The following MYO5A variants were observed in gnomAD, a reference collection of about 807,000 sequenced individuals.
MYO5A encodes the protein myosin VA.
Under a neutral mutation model 249.7 loss-of-function variants are expected in MYO5A, and 98 were observed. The ratio of observed to expected loss-of-function variants is 0.39; its 90% CI spans 0.33 to 0.46. The LOEUF (loss-of-function observed/expected upper bound fraction) is 0.46, where lower values mean the gene tolerates loss of function less well. Ranked by LOEUF, MYO5A falls within the 20% of genes least tolerant of loss-of-function variation. The pLI is 0.98. For synonymous variants in MYO5A, 778 were observed against 810.6 expected, an observed-to-expected ratio of 0.96 and a Z score of 0.68; for missense variants, 1,696 against 2,308.8, an observed-to-expected ratio of 0.73 and a Z score of 5.44.
chr15:52,506,077 C>T (rs897956529), intron 1 of MYO5A, among the ~76,000 whole-genome samples: 3 of 151,942 alleles, frequency 2.0e-5, no homozygotes, highest in East Asian at 3.9e-4. Context: ...TTAGGCCGGG[C>T]GCTGTGGCTC....
At chr15:52,396,848 T>C (rs986744602) in intron 10 of MYO5A, among the ~76,000 whole-genome samples, 1 of 151,956 alleles carries the variant, frequency 6.6e-6, no homozygotes, top group African/African-American at 2.4e-5. Flanking sequence ...GGCACAAATA[T>C]GAAGGAAGGA....
chr15:52,476,649 T>C (rs1402370232), intron 1 of MYO5A, among the ~76,000 whole-genome samples: 1 of 152,240 alleles, frequency 6.6e-6, no homozygotes, highest in Admixed American at 6.5e-5. Context: ...CCTTCACTTA[T>C]GAAGCTTAGT....
In MYO5A at chr15:52,313,450, A is replaced by G; in HGVS notation, c.*246T>C. Reference sequence around the variant, plus strand: ...TCCCTTCCTTCCATCATTCTCCTGTATGTAAACTCACGGTACCTAGTTGGT... The same window carrying G: ...TCCCTTCCTTCCATCATTCTCCTGTGTGTAAACTCACGGTACCTAGTTGGT... On this transcript the variant is annotated 3_prime_UTR_variant, in exon 42 of 42. Coordinates refer to ENST00000399233, the MANE Select transcript of MYO5A (RefSeq NM_001382347.1). 2.0e-6 allele frequency: 1 copy of G among 498,560 alleles called. No homozygotes were observed. The highest frequency in any genetic ancestry group is 2.1e-5 in the South Asian group (1 of 47,642). 30.9% of individuals were successfully genotyped at this position (498,560 alleles called of 1,614,324 possible). A position where few individuals can be genotyped will look rare whatever the true frequency, so the allele number is the denominator to read the frequency against.
At chr15:52,410,729 C>T (rs987448777) in intron 5 of MYO5A, among the ~76,000 whole-genome samples, 1 of 152,022 alleles carries the variant, frequency 6.6e-6, no homozygotes, top group African/African-American at 2.4e-5. Flanking sequence ...AGGCACATGC[C>T]ACCACGCCCA....
chr15:52,501,910 CT>C (rs1188267442), intron 1 of MYO5A, among the ~76,000 whole-genome samples: 5 of 146,606 alleles, frequency 3.4e-5, no homozygotes, highest in Non-Finnish European at 7.5e-5. Flanking sequence ...CACACACACA[CT>C]GTATTTTACT....
intron 1 of MYO5A, among the ~76,000 whole-genome samples, chr15:52,490,304 T>C (rs1465701392): frequency 1.3e-5 from 2 of 152,240 alleles, no homozygotes; most frequent in African/African-American, 4.8e-5. Context: ...CACAGCAGCA[T>C]TCTTCACAAT....
intron 1 of MYO5A, among the ~76,000 whole-genome samples, chr15:52,520,290 C>T (rs971037242): frequency 3.3e-5 from 5 of 152,180 alleles, no homozygotes; most frequent in Non-Finnish European, 7.3e-5. Context: ...AATCACAGTG[C>T]CCTGTCCTCC....
rs7181583 is a variant in MYO5A at position 52,415,376 on chromosome 15, A to T, written c.612+769T>A. Reference sequence around the variant, plus strand: ...TTCCAAAAATCTTATTAATAGACAGATAATTATCTACAAATCCTAAAACAC... The same window carrying T: ...TTCCAAAAATCTTATTAATAGACAGTTAATTATCTACAAATCCTAAAACAC... On this transcript the variant is annotated intron_variant, in intron 5 of 41. Transcript: ENST00000399233. 4.5e-3 allele frequency among the ~76,000 whole-genome samples: 683 copies of T among 152,338 alleles called. 7 individuals carry two copies. The highest frequency in any genetic ancestry group is 0.016 in the African/African-American group (660 of 41,570).
At chr15:52,412,560 T>A (rs1187904147) in intron 5 of MYO5A, among the ~76,000 whole-genome samples, 1 of 152,188 alleles carries the variant, frequency 6.6e-6, no homozygotes, top group African/African-American at 2.4e-5. Flanking sequence ...GGGTTCTTTT[T>A]AAAAAATAAA....
In MYO5A at chr15:52,510,693, G is replaced by A. The variant is rs955985404; in HGVS notation, c.27+18087C>T. On this transcript the variant is annotated intron_variant, in intron 1 of 41. Coordinates refer to ENST00000399233, the MANE Select transcript of MYO5A (RefSeq NM_001382347.1). ...ATCTAACTAATGCCTGATTATCTAA[G>A]GTGAAACAGTTTCACCCCAAAACCA... is the stretch of plus-strand genomic sequence containing the variant. Among the ~76,000 whole-genome samples the A allele has an allele frequency of 5.3e-5, 8 of 152,160 alleles. 1 individual carries two copies. Among genetic ancestry groups the A allele is most frequent in the Non-Finnish European group, 1.2e-4 (8 of 68,024 alleles).
rs1411857544 is a variant in MYO5A at position 52,343,119 on chromosome 15, G to C, written c.4038C>G (p.Asn1346Lys). 6.2e-7 allele frequency: 1 copy of C among 1,609,484 alleles called. No individual in the cohort carries two copies. The highest frequency in any genetic ancestry group is 1.3e-5 in the African/African-American group (1 of 74,810). ...WLVYEGLKQA[N>K]RLLESQLQSQ... ...CATTTTGAGGAGACAAATATAACCT[G>C]TTGGCTTGTTTTAACCCTTCATAAA... Residue 1346 changes from asparagine to lysine, a missense_variant and splice_region_variant, in exon 31 of 42, where the codon AAC (asparagine) becomes AAG (lysine). Transcript: ENST00000399233.
intron 1 of MYO5A, among the ~76,000 whole-genome samples, chr15:52,472,555 G>A (rs142049711): frequency 6.6e-6 from 1 of 151,650 alleles, no homozygotes; most frequent in Non-Finnish European, 1.5e-5. Flanking sequence ...TCCCCCCACC[G>A]CACAACAGGC....
At chr15:52,465,944 C>T (rs937769766) in intron 1 of MYO5A, among the ~76,000 whole-genome samples, 2 of 151,836 alleles carry the variant, frequency 1.3e-5, no homozygotes, top group African/African-American at 4.8e-5. Flanking sequence ...TGGCCAGGAC[C>T]GGCCAAAAAC....
rs553507343 is a variant in MYO5A, at chr15:52,413,258, T to C, written c.613-2782A>G. ...CAGGAGGATTGTTTGAGCCCAGTAG[T>C]TCATTTGAGATCAGCCTGGGACAGG... is the stretch of plus-strand genomic sequence containing the variant. On this transcript the variant is annotated intron_variant, in intron 5 of 41. Coordinates refer to ENST00000399233, the MANE Select transcript of MYO5A (RefSeq NM_001382347.1). 1.1e-4 allele frequency among the ~76,000 whole-genome samples: 17 copies of C among 151,628 alleles called. 1 individual carries two copies. The South Asian group carries it at 3.1e-3, about 28-fold the overall frequency.
chr15:52,437,194 T>C (rs2075682968), intron 1 of MYO5A, among the ~76,000 whole-genome samples: 1 of 152,242 alleles, frequency 6.6e-6, no homozygotes, highest in African/African-American at 2.4e-5. Context: ...TAAATATTTC[T>C]ATGTACTAAC....
At chr15:52,346,278 C>A in intron 30 of MYO5A, 83 bp downstream of exon 30, 1 of 828,474 alleles carries the variant, frequency 1.2e-6, no homozygotes, top group Non-Finnish European at 2.0e-6. Flanking sequence ...AATGTATGAA[C>A]ACTTTTACTG....
At chr15:52,351,518 T>C in intron 27 of MYO5A, 37 bp from the exon 28 acceptor site, 1 of 1,583,498 alleles carries the variant, frequency 6.3e-7, no homozygotes, top group Non-Finnish European at 8.7e-7. Context: ...ATTGCTGTCA[T>C]CCTCAACTTT....
At chr15:52,421,623 G>C (rs2043797435) in intron 4 of MYO5A, among the ~76,000 whole-genome samples, 2 of 152,120 alleles carry the variant, frequency 1.3e-5, no homozygotes, top group Admixed American at 1.3e-4. Context: ...TTGATTTCCA[G>C]GGGAAAGTCT....
chr15:52,485,011 C>T (rs1211434894), intron 1 of MYO5A, among the ~76,000 whole-genome samples: 2 of 152,028 alleles, frequency 1.3e-5, no homozygotes, highest in African/African-American at 2.4e-5. Flanking sequence ...TGTAAGCCAC[C>T]GCACCCAGCC....
Sources: allele counts gnomAD v4.1 joint callset (sites outside exome capture counted in the v4.1 genomes callset), GRCh38; gene constraint gnomAD v4.1.1; transcripts MANE v1.5; gene names NCBI Gene and HGNC (gene_info 2026-07-23, HGNC 2026-07-21).